The following GBF1 variants were observed in gnomAD, a reference collection of about 807,000 sequenced individuals.
The protein encoded by GBF1 is golgi brefeldin A resistant guanine nucleotide exchange factor 1.
A neutral mutation model predicts 210.5 loss-of-function variants in GBF1; 114 were observed. The ratio of observed to expected loss-of-function variants is 0.54; its 90% CI spans 0.47 to 0.63. The LOEUF is 0.63. GBF1 is among the 30% of genes least tolerant of loss of function. The pLI, the probability that GBF1 is intolerant of heterozygous loss-of-function variation, is 0.00. For missense variants in GBF1, 1,851 were observed against 2,357.7 expected (o/e 0.79, Z 4.45); for synonymous variants, 850 against 889.2 (o/e 0.96, Z 0.78).
intron 3 of GBF1, among the ~76,000 whole-genome samples, chr10:102,338,366 A>G (rs1175241281): frequency 1.3e-5 from 2 of 150,898 alleles, no homozygotes; most frequent in East Asian, 2.0e-4. Context: ...TCAGCCTCCA[A>G]AGTAGCTGAG....
At chr10:102,377,370 T>TA (rs1420844447) in intron 33 of GBF1, among the ~76,000 whole-genome samples, 32 of 143,604 alleles carry the variant, frequency 2.2e-4, no homozygotes, top group African/African-American at 7.7e-4. Context: ...TTTATTTATT[T>TA]TTTGAGATGT....
chr10:102,314,619 G>A (rs2078773832), intron 3 of GBF1, among the ~76,000 whole-genome samples: 1 of 152,106 alleles, frequency 6.6e-6, no homozygotes, highest in Non-Finnish European at 1.5e-5. Context: ...TACTTCTCCT[G>A]GCTTCAAGGC....
intron 3 of GBF1, among the ~76,000 whole-genome samples, chr10:102,286,293 C>T (rs1629072): frequency 7.8e-4 from 118 of 151,082 alleles, no homozygotes; most frequent in Middle Eastern, 3.4e-3. Context: ...AACCACTCCT[C>T]GCATTCCCTG....
chr10:102,372,736 A>G (rs2060279848), intron 29 of GBF1, among the ~76,000 whole-genome samples: 1 of 152,280 alleles, frequency 6.6e-6, no homozygotes, highest in East Asian at 1.9e-4. Context: ...AACCAAATGA[A>G]CCTTGACCTA....
chr10:102,307,057 T>C (rs1406079690), intron 3 of GBF1, among the ~76,000 whole-genome samples: 1 of 152,220 alleles, frequency 6.6e-6, no homozygotes, highest in African/African-American at 2.4e-5. Context: ...CTGTAAATTA[T>C]TTGAAAGGTG....
rs1052993330 is a variant in GBF1 at position 102,370,792 on chromosome 10, G to A, written c.3592G>A (p.Glu1198Lys). The A allele has an allele frequency of 1.9e-6, 3 of 1,613,946 alleles. No homozygotes were observed. The highest frequency in any genetic ancestry group is 2.5e-6 in the Non-Finnish European group (3 of 1,179,912). ...GGCACAAGATTTCTGCTTCCTTGTG[G>A]AGCGGGCAGTGGTGGGGTTGCTACG... ...VQAQDFCFLV[E>K]RAVVGLLRLA... Residue 1198 changes from glutamate to lysine, a missense_variant, in exon 29 of 40, where the codon GAG becomes AAG. Glu to Lys is a moderately conservative substitution (Grantham distance 56). Transcript: ENST00000369983.
chr10:102,319,321 A>G (rs1468157992), intron 3 of GBF1, among the ~76,000 whole-genome samples: 2 of 120,444 alleles, frequency 1.7e-5, no homozygotes, highest in African/African-American at 5.1e-5. Context: ...CTCCGTCTCA[A>G]CAACAACAAC....
chr10:102,287,205 C>T (rs758863104), intron 3 of GBF1, among the ~76,000 whole-genome samples: 1 of 151,936 alleles, frequency 6.6e-6, no homozygotes, highest in Non-Finnish European at 1.5e-5. Flanking sequence ...ATTATGTTAT[C>T]GATTGCTGGG....
intron 1 of GBF1, among the ~76,000 whole-genome samples, chr10:102,254,154 A>T (rs2072010106): frequency 6.6e-6 from 1 of 152,034 alleles, no homozygotes; most frequent in Non-Finnish European, 1.5e-5. Context: ...TTTAATTTTA[A>T]CATGGTTGAA....
chr10:102,369,785 G>T lies in GBF1; in HGVS notation c.3215+10G>T, dbSNP rs112459531. ...AGACACCATCAAACCGGTAAGAGCAGACCAGAGGCTCAGGGGCTTGGGGAG... is the reference window on the plus strand; with the variant it reads ...AGACACCATCAAACCGGTAAGAGCATACCAGAGGCTCAGGGGCTTGGGGAG... On this transcript the variant is annotated intron_variant, in intron 25 of 39. Coordinates refer to ENST00000369983, the MANE Select transcript of GBF1 (RefSeq NM_001377137.1). The T allele has an allele frequency of 7.4e-6, 12 of 1,614,156 alleles. No homozygotes were observed. The highest frequency in any genetic ancestry group is 2.7e-5 in the African/African-American group (2 of 75,044).
chr10:102,242,928 C>CAAA (rs58301527), upstream of GBF1, among the ~76,000 whole-genome samples: 4 of 132,402 alleles, frequency 3.0e-5, no homozygotes, highest in Non-Finnish European at 6.4e-5. Flanking sequence ...GACTCTGTCT[C>CAAA]AAAAAAAAAA....
intron 3 of GBF1, among the ~76,000 whole-genome samples, chr10:102,319,822 A>G (rs1447996093): frequency 1.4e-5 from 2 of 146,558 alleles, no homozygotes; most frequent in Non-Finnish European, 3.0e-5. Flanking sequence ...TCCGCCTCCC[A>G]AGTTCAAGCA....
At chr10:102,233,300 C>G in the GBF1 span, among the ~76,000 whole-genome samples, 10 of 126,336 alleles carry the variant, frequency 7.9e-5, no homozygotes, top group South Asian at 1.7e-3. Flanking sequence ...TTTTTTTTTT[C>G]CTTCTTTTTT....
At chr10:102,271,514 CTT>C (rs66646383) in intron 3 of GBF1, among the ~76,000 whole-genome samples, 22 of 140,146 alleles carry the variant, frequency 1.6e-4, no homozygotes, top group East Asian at 4.2e-4. Flanking sequence ...TTTTCTCCAC[CTT>C]TTTTTTTTTT....
chr10:102,290,418 T>C (rs1245311188), intron 3 of GBF1, among the ~76,000 whole-genome samples: 2 of 152,170 alleles, frequency 1.3e-5, no homozygotes, highest in Non-Finnish European at 2.9e-5. Context: ...ACTATCCTTT[T>C]TAAATTTTGA....
At chr10:102,340,216 A>G (rs1411354865) in intron 3 of GBF1, among the ~76,000 whole-genome samples, 2 of 150,496 alleles carry the variant, frequency 1.3e-5, no homozygotes, top group Admixed American at 6.6e-5. Flanking sequence ...CAGCCTCCCA[A>G]AGTGCTGGGA....
chr10:102,311,115 T>C (rs2078387411), intron 3 of GBF1, among the ~76,000 whole-genome samples: 1 of 152,196 alleles, frequency 6.6e-6, no homozygotes, highest in Non-Finnish European at 1.5e-5. Context: ...TGAGGACTTA[T>C]TTATTAAAAG....
intron 3 of GBF1, among the ~76,000 whole-genome samples, chr10:102,278,372 C>T (rs2075185849): frequency 6.6e-6 from 1 of 152,000 alleles, no homozygotes; most frequent in Non-Finnish European, 1.5e-5. Flanking sequence ...CTAGAACTCC[C>T]AGCCTCAACT....
chr10:102,323,893 CAA>C (rs982268849), intron 3 of GBF1, among the ~76,000 whole-genome samples: 9 of 152,070 alleles, frequency 5.9e-5, no homozygotes, highest in African/African-American at 2.2e-4. Context: ...AAATACCAGA[CAA>C]AGAGACAGGT....
Sources: gnomAD v4.1 joint callset for allele counts (sites outside exome capture counted in the v4.1 genomes callset) on GRCh38, gnomAD v4.1.1 for gene constraint, MANE v1.5 for transcripts, NCBI Gene and HGNC (gene_info 2026-07-23, HGNC 2026-07-21) for gene names.